MAP3K14: variants seen among roughly 807,000 people sequenced by gnomAD.
MAP3K14 encodes the protein NF-kappa-beta-inducing kinase.
In MAP3K14, 16 loss-of-function variants were observed where a neutral mutation model predicts 99.2. The observed-to-expected ratio is 0.16, with a 90% CI of 0.11 to 0.24. MAP3K14 has a LOEUF of 0.24. Ranked by LOEUF, MAP3K14 falls within the 10% of genes least tolerant of loss-of-function variation. MAP3K14 has a pLI of 1.00. For synonymous variants in MAP3K14, 462 were observed against 492.4 expected, an observed-to-expected ratio of 0.94 and a Z score of 0.82; for missense variants, 784 against 1,208.7, an observed-to-expected ratio of 0.65 and a Z score of 5.21.
chr17:45,308,401 A>G (rs1348041305), intron 1 of MAP3K14, among the ~76,000 whole-genome samples: 1 of 152,134 alleles, frequency 6.6e-6, no homozygotes, highest in East Asian at 1.9e-4. Flanking sequence ...AGCCTATGGG[A>G]TGTGCCAGTG....
At position 45,267,390 on chromosome 17, in the gene MAP3K14, C is replaced by T; in HGVS notation, c.2326+16G>A. ...GCCAGTGCTCAGGGCCCCACTGCAG[C>T]CACGGCTGCCCGTACCTATTTCCAG... On this transcript the variant is annotated intron_variant, in intron 12 of 15. Transcript: ENST00000344686. The surrounding 1 kb of genome is among the most constrained non-coding windows in gnomAD (Gnocchi z 5.1). The T allele has an allele frequency of 6.4e-7, 1 of 1,566,144 alleles. No homozygotes were observed.
chr17:45,269,606 G>T (rs1355216464), intron 11 of MAP3K14, among the ~76,000 whole-genome samples: 1 of 152,110 alleles, frequency 6.6e-6, no homozygotes, highest in African/African-American at 2.4e-5. Flanking sequence ...GGGGCTAAAG[G>T]TTAAGCGGTT....
chr17:45,300,287 T>C (rs1464869228), intron 1 of MAP3K14, among the ~76,000 whole-genome samples: 2 of 152,192 alleles, frequency 1.3e-5, no homozygotes, highest in Non-Finnish European at 2.9e-5. Flanking sequence ...TCTATTCTAT[T>C]GGCATTGGTC....
intron 9 of MAP3K14, 30 bp downstream of exon 9, chr17:45,273,473 G>A: frequency 6.5e-7 from 1 of 1,540,336 alleles, no homozygotes. Context: ...GAATGCATTG[G>A]GGGGCACGGC....
intron 1 of MAP3K14, among the ~76,000 whole-genome samples, chr17:45,306,520 T>C (rs2044431075): frequency 6.6e-6 from 1 of 152,162 alleles, no homozygotes; most frequent in African/African-American, 2.4e-5. Context: ...TGGGCCTGTG[T>C]TCCTCAGCCC....
At chr17:45,315,657 C>T (rs887156972) in intron 1 of MAP3K14, among the ~76,000 whole-genome samples, 1 of 152,182 alleles carries the variant, frequency 6.6e-6, no homozygotes, top group South Asian at 2.1e-4. Flanking sequence ...CTTCTCCCTC[C>T]TTTCTGCATC....
intron 1 of MAP3K14, among the ~76,000 whole-genome samples, chr17:45,308,328 C>CT (rs1179157777): frequency 6.6e-6 from 1 of 152,172 alleles, no homozygotes; most frequent in Admixed American, 6.5e-5. Context: ...TCTTGGAATG[C>CT]TGAACCCAGT....
chr17:45,303,029 C>A (rs1006318267), intron 1 of MAP3K14, among the ~76,000 whole-genome samples: 11 of 152,340 alleles, frequency 7.2e-5, no homozygotes, highest in Admixed American at 6.5e-4. Context: ...CAAATGCATG[C>A]GTGGTTACAG....
intron 1 of MAP3K14, among the ~76,000 whole-genome samples, chr17:45,295,223 A>AT (rs35287303): frequency 0.31 from 46,415 of 148,626 alleles, 8,213 homozygotes; most frequent in African/African-American, 0.5. Flanking sequence ...AGCCTTAACA[A>AT]TTTTTTTTTT....
chr17:45,271,350 C>A, intron 9 of MAP3K14, 129 bp from the exon 10 acceptor site: 1 of 782,098 alleles, frequency 1.3e-6, no homozygotes, highest in Admixed American at 3.5e-5. Context: ...ATTTTATTAT[C>A]TTTTTAGTTC....
intron 1 of MAP3K14, among the ~76,000 whole-genome samples, chr17:45,306,506 G>C (rs372908345): frequency 1.3e-5 from 2 of 152,164 alleles, no homozygotes; most frequent in East Asian, 3.8e-4. Flanking sequence ...AGCTGGACTT[G>C]TGGTGGGCCT....
At chr17:45,294,278 T>C (rs1220146072) in intron 1 of MAP3K14, among the ~76,000 whole-genome samples, 1 of 152,214 alleles carries the variant, frequency 6.6e-6, no homozygotes, top group Non-Finnish European at 1.5e-5. Context: ...ATTCACTCCA[T>C]ATTCTTTGAG....
In MAP3K14 at chr17:45,291,366, G is replaced by T. The variant is rs536409625; in HGVS notation, c.-20-601C>A. 1.4e-4 allele frequency among the ~76,000 whole-genome samples: 21 copies of T among 152,204 alleles called. No individual in the cohort carries two copies. In the South Asian group the frequency reaches 4.4e-3, roughly 32 times the overall value. On this transcript the variant is annotated intron_variant, in intron 1 of 15. Transcript: ENST00000344686. ...AGCATGCAAATGGTGCTCAGCACGTGGTTCCTTGCCCAATGCGTCTGTTTG... is the reference window on the plus strand; with the variant it reads ...AGCATGCAAATGGTGCTCAGCACGTTGTTCCTTGCCCAATGCGTCTGTTTG...
chr17:45,301,567 C>T (rs2044388156), intron 1 of MAP3K14, among the ~76,000 whole-genome samples: 1 of 151,918 alleles, frequency 6.6e-6, no homozygotes, highest in East Asian at 1.9e-4. Context: ...CATGGAACAT[C>T]CATTAAAAAT....
chr17:45,273,370 T>C (rs775679147), intron 9 of MAP3K14, 133 bp downstream of exon 9: 43 of 655,190 alleles, frequency 6.6e-5, no homozygotes, highest in Non-Finnish European at 1.1e-4. Flanking sequence ...CTGATAATCA[T>C]CCAGGCTGGT....
At chr17:45,294,880 T>C (rs1193078909) in intron 1 of MAP3K14, among the ~76,000 whole-genome samples, 2 of 152,230 alleles carry the variant, frequency 1.3e-5, no homozygotes, top group Non-Finnish European at 2.9e-5. Flanking sequence ...AATTTTAAAA[T>C]CATTTCCTTG....
chr17:45,290,846 A>C (rs2044304726), intron 1 of MAP3K14, 81 bp from the exon 2 acceptor site: 1 of 1,420,100 alleles, frequency 7.0e-7, no homozygotes, highest in African/African-American at 1.4e-5. Flanking sequence ...TTGGGGGAGA[A>C]AGGCAGGGGC....
At chr17:45,270,643 C>A in intron 10 of MAP3K14, 80 bp from the exon 11 acceptor site, 1 of 1,442,930 alleles carries the variant, frequency 6.9e-7, no homozygotes, top group Middle Eastern at 2.4e-4. Context: ...TTGCGCAACT[C>A]CCGCCGGCCC....
Position 45,264,489 on chromosome 17 carries a change from A to C in MAP3K14, c.*147T>G, listed in dbSNP as rs1598235594. 1.0e-6 allele frequency: 1 copy of C among 988,034 alleles called. No individual in the cohort carries two copies. The highest frequency in any genetic ancestry group is 1.8e-5 in the South Asian group (1 of 56,020). The allele number at this position is 988,034 out of a possible 1,614,324, so 61.2% of individuals were successfully genotyped here. On this transcript the variant is annotated 3_prime_UTR_variant, in exon 16 of 16. Coordinates refer to ENST00000344686, the MANE Select transcript of MAP3K14 (RefSeq NM_003954.5). Reference sequence around the variant, plus strand: ...CCTGGGAGGCATTCTGCTTGCCCCCACCTTGCTGCTGCGAGGCCCTGGTCC... The same window carrying C: ...CCTGGGAGGCATTCTGCTTGCCCCCCCCTTGCTGCTGCGAGGCCCTGGTCC...
Sources: allele counts gnomAD v4.1 joint callset (sites outside exome capture counted in the v4.1 genomes callset), GRCh38; gene constraint gnomAD v4.1.1; non-coding constraint Gnocchi (gnomAD v3.1); transcripts MANE v1.5; gene names NCBI Gene and HGNC (gene_info 2026-07-23, HGNC 2026-07-21).